Variants in LRMDA observed in about 807,000 individuals in gnomAD.
LRMDA encodes the protein leucine rich melanocyte differentiation associated.
Under a neutral mutation model 29.8 loss-of-function variants are expected in LRMDA, and 18 were observed. The ratio of observed to expected loss-of-function variants is 0.60; its 90% CI spans 0.42 to 0.90. LRMDA has a LOEUF of 0.90. Ranked by LOEUF, LRMDA falls within the 40% of genes least tolerant of loss-of-function variation. The pLI is 0.00. For missense variants in LRMDA, 273 were observed against 273.9 expected (o/e 1.00, Z 0.02); for synonymous variants, 125 against 109.4 (o/e 1.14, Z -0.89).
chr10:75,439,647 G>T (rs1472986823), intron 2 of LRMDA, among the ~76,000 whole-genome samples: 2 of 152,218 alleles, frequency 1.3e-5, no homozygotes, highest in African/African-American at 4.8e-5. Context: ...CCTGAGGGTT[G>T]TAGTGGATGG....
intron 6 of LRMDA, among the ~76,000 whole-genome samples, chr10:76,485,814 C>T (rs144883119): frequency 1.1e-4 from 16 of 151,850 alleles, no homozygotes; most frequent in Non-Finnish European, 2.1e-4. Flanking sequence ...GATAAGACAT[C>T]TACTTTAATT....
chr10:75,875,479 G>C (rs1234963350), intron 2 of LRMDA, among the ~76,000 whole-genome samples: 1 of 152,092 alleles, frequency 6.6e-6, no homozygotes, highest in Non-Finnish European at 1.5e-5. Context: ...TGTTGCCCAG[G>C]ATGGAGTGCA....
At chr10:76,116,189 A>G (rs962818442) in intron 5 of LRMDA, among the ~76,000 whole-genome samples, 1 of 152,188 alleles carries the variant, frequency 6.6e-6, no homozygotes, top group South Asian at 2.1e-4. Context: ...TTAAGTATGT[A>G]TCAAACGGGT....
chr10:76,181,223 T>G (rs556842244), intron 5 of LRMDA, among the ~76,000 whole-genome samples: 31 of 152,326 alleles, frequency 2.0e-4, no homozygotes, highest in African/African-American at 7.0e-4. Flanking sequence ...ACTGACCTCT[T>G]CCAGGCTGAT....
intron 6 of LRMDA, among the ~76,000 whole-genome samples, chr10:76,325,990 G>A (rs1302207212): frequency 1.3e-5 from 2 of 152,158 alleles, no homozygotes; most frequent in Non-Finnish European, 2.9e-5. Context: ...GATGACATCA[G>A]GGCTTAACAT....
intron 2 of LRMDA, among the ~76,000 whole-genome samples, chr10:75,730,570 C>T (rs1842684537): frequency 6.6e-6 from 1 of 152,216 alleles, no homozygotes; most frequent in African/African-American, 2.4e-5. Context: ...TTGCTTTTCT[C>T]TCATCCCACT....
chr10:76,238,125 G>A (rs983107561), intron 5 of LRMDA, among the ~76,000 whole-genome samples: 1 of 151,952 alleles, frequency 6.6e-6, no homozygotes, highest in Non-Finnish European at 1.5e-5. Context: ...TCCTCTACGC[G>A]AGGTCTTTGT....
chr10:75,838,033 T>C (rs1271738233), intron 2 of LRMDA, among the ~76,000 whole-genome samples: 1 of 152,132 alleles, frequency 6.6e-6, no homozygotes, highest in Admixed American at 6.5e-5. Flanking sequence ...ATGAAGTATA[T>C]ATAAAAACCA....
chr10:76,119,008 A>C (rs1314622375), intron 5 of LRMDA, among the ~76,000 whole-genome samples: 1 of 152,100 alleles, frequency 6.6e-6, no homozygotes, highest in Admixed American at 6.6e-5. Flanking sequence ...AGTGAGGATG[A>C]AGTTCCTGAT....
chr10:75,857,782 C>T (rs1844852874), intron 2 of LRMDA, among the ~76,000 whole-genome samples: 1 of 152,156 alleles, frequency 6.6e-6, no homozygotes, highest in African/African-American at 2.4e-5. Context: ...TGAACACTAT[C>T]CTGGGGTAAA....
chr10:76,127,836 T>A (rs1849912286), intron 5 of LRMDA, among the ~76,000 whole-genome samples: 1 of 152,180 alleles, frequency 6.6e-6, no homozygotes, highest in Non-Finnish European at 1.5e-5. Flanking sequence ...ATGCTAAGCT[T>A]TAGTCAACAG....
intron 6 of LRMDA, among the ~76,000 whole-genome samples, chr10:76,367,626 G>T (rs1042689113): frequency 6.6e-6 from 1 of 151,914 alleles, no homozygotes; most frequent in Non-Finnish European, 1.5e-5. Flanking sequence ...GTTTCTCCAT[G>T]TTCATCAGGC....
intron 2 of LRMDA, among the ~76,000 whole-genome samples, chr10:75,519,739 A>G (rs1391872127): frequency 6.6e-6 from 1 of 152,128 alleles, no homozygotes; most frequent in Non-Finnish European, 1.5e-5. Flanking sequence ...TTAGCTGGTT[A>G]TTTTGCCCGT....
chr10:76,235,621 C>T (rs905885722), intron 5 of LRMDA, among the ~76,000 whole-genome samples: 6 of 152,120 alleles, frequency 3.9e-5, no homozygotes. Flanking sequence ...ATTCTCCTCT[C>T]TTGTGATATA....
At chr10:76,442,111 T>C (rs1042673229) in intron 6 of LRMDA, among the ~76,000 whole-genome samples, 2 of 152,190 alleles carry the variant, frequency 1.3e-5, no homozygotes, top group African/African-American at 4.8e-5. Flanking sequence ...TCTTAAAGAT[T>C]AGTGTAAGGT....
chr10:76,440,844 A>T (rs1246687806), intron 6 of LRMDA, among the ~76,000 whole-genome samples: 1 of 152,148 alleles, frequency 6.6e-6, no homozygotes, highest in East Asian at 1.9e-4. Context: ...GATTATTCAC[A>T]TATTTATTCC....
chr10:75,734,386 TGAG>T (rs1298243779), intron 2 of LRMDA, among the ~76,000 whole-genome samples: 1 of 152,134 alleles, frequency 6.6e-6, no homozygotes, highest in Non-Finnish European at 1.5e-5. Flanking sequence ...GTTTAGCCTC[TGAG>T]GAGGAGTGAA....
chr10:76,171,020 C>G (rs1397066440), intron 5 of LRMDA, among the ~76,000 whole-genome samples: 1 of 152,166 alleles, frequency 6.6e-6, no homozygotes, highest in African/African-American at 2.4e-5. Context: ...AGGTTAATAT[C>G]TAGTTTTGTC....
At chr10:75,523,659 A>T (rs1845385612) in intron 2 of LRMDA, among the ~76,000 whole-genome samples, 1 of 152,200 alleles carries the variant, frequency 6.6e-6, no homozygotes. Context: ...TATAATAATT[A>T]TGCTGGAAAA....
Sources: allele counts gnomAD v4.1 joint callset (sites outside exome capture counted in the v4.1 genomes callset), GRCh38; gene constraint gnomAD v4.1.1; transcripts MANE v1.5; gene names NCBI Gene and HGNC (gene_info 2026-07-23, HGNC 2026-07-21).